Variants in BCAS3 observed in about 807,000 individuals in gnomAD.
BCAS3 encodes the protein BCAS3 microtubule associated cell migration factor, also known as BCAS4/BCAS3 fusion.
Under a neutral mutation model 116.1 loss-of-function variants are expected in BCAS3, and 53 were observed. The observed-to-expected ratio is 0.46, with a 90% CI of 0.37 to 0.57. The LOEUF (loss-of-function observed/expected upper bound fraction) is 0.57, where lower values mean the gene tolerates loss of function less well. BCAS3 is among the 20% of genes least tolerant of loss of function. The pLI is 0.00. For synonymous variants in BCAS3, 391 were observed against 408.2 expected (o/e 0.96, Z 0.51); for missense variants, 917 against 1,165.4 (o/e 0.79, Z 3.10).
chr17:60,895,381 T>C (rs917557633), intron 10 of BCAS3, among the ~76,000 whole-genome samples: 18 of 152,204 alleles, frequency 1.2e-4, no homozygotes, highest in African/African-American at 3.9e-4. Context: ...ATCTATTGTA[T>C]TTCTGTGGTA....
chr17:61,266,319 A>G (rs2049707630), intron 22 of BCAS3, among the ~76,000 whole-genome samples: 1 of 152,210 alleles, frequency 6.6e-6, no homozygotes, highest in African/African-American at 2.4e-5. Context: ...AGAAAGAGAC[A>G]CACACCATCC....
intron 22 of BCAS3, among the ~76,000 whole-genome samples, chr17:61,109,042 TG>T (rs1462377104): frequency 6.6e-6 from 1 of 151,840 alleles, no homozygotes; most frequent in Non-Finnish European, 1.5e-5. Context: ...AAAAATGAGC[TG>T]GGCGTGGTAG....
chr17:61,312,065 G>A (rs2054356599), intron 22 of BCAS3, among the ~76,000 whole-genome samples: 1 of 152,170 alleles, frequency 6.6e-6, no homozygotes, highest in Admixed American at 6.5e-5. Context: ...CAAAACAGGA[G>A]GGGAGAATCG....
At chr17:60,780,236 C>T (rs1285445778) in intron 6 of BCAS3, among the ~76,000 whole-genome samples, 1 of 151,708 alleles carries the variant, frequency 6.6e-6, no homozygotes, top group African/African-American at 2.4e-5. Context: ...GATCTGCCCA[C>T]CTCGGCCTGC....
chr17:61,047,116 G>T (rs1433795771), intron 19 of BCAS3, among the ~76,000 whole-genome samples: 1 of 151,904 alleles, frequency 6.6e-6, no homozygotes, highest in African/African-American at 2.4e-5. Context: ...TCCAGATCCT[G>T]TATTCTTAAA....
chr17:60,841,216 C>T (rs1452737640), intron 7 of BCAS3, among the ~76,000 whole-genome samples: 1 of 151,932 alleles, frequency 6.6e-6, no homozygotes, highest in Non-Finnish European at 1.5e-5. Flanking sequence ...GGCAGAAGGA[C>T]TGAAACTTTA....
intron 22 of BCAS3, among the ~76,000 whole-genome samples, chr17:61,187,835 TC>T (rs1459268090): frequency 7.0e-4 from 107 of 152,280 alleles, no homozygotes; most frequent in Non-Finnish European, 1.9e-4. Flanking sequence ...TTTCTTTCTT[TC>T]TTTCTTTCGT....
rs1055219348 is a variant in BCAS3 at position 61,247,946 on chromosome 17, T to G, written c.2426-120381T>G. Among the ~76,000 whole-genome samples, 92 of 152,338 alleles carry G rather than the reference T, an allele frequency of 6.0e-4. 1 individual carries two copies. Among genetic ancestry groups the G allele is most frequent in the Non-Finnish European group, 2.4e-4 (16 of 68,034 alleles). ...TTAGAAGAGCAGCCGCACTTGTGGT[T>G]ACAACTTGCGGCATTGAAAGGCTGT... is the stretch of plus-strand genomic sequence containing the variant. On this transcript the variant is annotated intron_variant, in intron 22 of 23. Coordinates refer to ENST00000407086, the MANE Select transcript of BCAS3 (RefSeq NM_017679.5).
Position 61,095,766 on chromosome 17 carries a change from T to C in BCAS3, c.2425+11202T>C, listed in dbSNP as rs573780387. Among the ~76,000 whole-genome samples the C allele has an allele frequency of 3.9e-5, 6 of 152,078 alleles. No individual in the cohort carries two copies. The highest frequency in any genetic ancestry group is 1.9e-4 in the East Asian group (1 of 5,170). On this transcript the variant is annotated intron_variant, in intron 22 of 23. Coordinates refer to ENST00000407086, the MANE Select transcript of BCAS3 (RefSeq NM_017679.5). The surrounding 1 kb of genome is among the most constrained non-coding windows in gnomAD (Gnocchi z 4.7). Reference sequence around the variant, plus strand: ...ACAGGTATTAGCCACCGCACCTGACTGGGGTCCTGAGTTTTTTTAAGCACA... The same window carrying C: ...ACAGGTATTAGCCACCGCACCTGACCGGGGTCCTGAGTTTTTTTAAGCACA...
At chr17:61,369,861 G>A (rs180746092) in intron 23 of BCAS3, among the ~76,000 whole-genome samples, 134 of 152,340 alleles carry the variant, frequency 8.8e-4, no homozygotes, top group African/African-American at 2.9e-3. Flanking sequence ...TGTGGCTTAC[G>A]GCACAGGCTT....
rs770583338 is a variant in BCAS3, at chr17:61,215,451, G to A, written c.2425+130887G>A. ...TGATTCCTGTCCTCCCTCTAGATTT[G>A]TAGTAATTCTATGATATATTACTTG... On this transcript the variant is annotated intron_variant, in intron 22 of 23. Transcript: ENST00000407086. The surrounding 1 kb of genome is among the most constrained non-coding windows in gnomAD (Gnocchi z 4.8). Among the ~76,000 whole-genome samples the A allele has an allele frequency of 1.3e-5, 2 of 152,052 alleles. No individual in the cohort carries two copies. The highest frequency in any genetic ancestry group is 2.9e-5 in the Non-Finnish European group (2 of 68,022).
chr17:61,091,709 A>C (rs2073584373), intron 22 of BCAS3, among the ~76,000 whole-genome samples: 1 of 152,188 alleles, frequency 6.6e-6, no homozygotes, highest in Non-Finnish European at 1.5e-5. Flanking sequence ...TAAAGTAAAT[A>C]ATCAAAATGA....
intron 5 of BCAS3, among the ~76,000 whole-genome samples, chr17:60,740,359 A>T (rs1598399096): frequency 6.6e-6 from 1 of 151,792 alleles, no homozygotes; most frequent in African/African-American, 2.4e-5. Context: ...TCAGCTGGGC[A>T]TGGTGGTGGG....
intron 14 of BCAS3, among the ~76,000 whole-genome samples, chr17:60,973,970 A>G (rs1470578073): frequency 4.6e-5 from 7 of 152,104 alleles, no homozygotes; most frequent in Admixed American, 3.3e-4. Context: ...TTATTTTCTA[A>G]CTTGGTATTG....
rs996719966 is a variant in BCAS3, at chr17:61,012,873, G to A, written c.1487-2878G>A. 5.3e-5 allele frequency among the ~76,000 whole-genome samples: 8 copies of A among 151,946 alleles called. No homozygotes were observed. The highest frequency in any genetic ancestry group is 1.7e-4 in the African/African-American group (7 of 41,384). On this transcript the variant is annotated intron_variant, in intron 15 of 23. Transcript: ENST00000407086. The surrounding 1 kb of genome is among the most constrained non-coding windows in gnomAD (Gnocchi z 4.5). ...ACTCCTTTTATCTGTCAAATTCAAT[G>A]ACTTCAACATCTATACTGTTCCCTC... is the stretch of plus-strand genomic sequence containing the variant.
In BCAS3 at chr17:61,196,475, T is replaced by C. The variant is rs569023844; in HGVS notation, c.2425+111911T>C. ...GCAAAGGATATGGCAATCATTTATA[T>C]AAATATGCTTTCTCAAGCCCACAAA... is the stretch of plus-strand genomic sequence containing the variant. On this transcript the variant is annotated intron_variant, in intron 22 of 23. Transcript: ENST00000407086. This position sits in a 1 kb window ranked among gnomAD's most constrained non-coding sequence, Gnocchi z 4.7. 1.6e-4 allele frequency among the ~76,000 whole-genome samples: 25 copies of C among 152,312 alleles called. No homozygotes were observed. The highest frequency in any genetic ancestry group is 7.3e-5 in the Non-Finnish European group (5 of 68,036).
intron 14 of BCAS3, among the ~76,000 whole-genome samples, chr17:60,949,998 G>A (rs1205783160): frequency 1.3e-5 from 2 of 152,128 alleles, no homozygotes; most frequent in Non-Finnish European, 2.9e-5. Context: ...AATTCAAGGA[G>A]ACTTTGGAGA....
At chr17:61,170,358 C>T (rs1253808395) in intron 22 of BCAS3, among the ~76,000 whole-genome samples, 2 of 150,544 alleles carry the variant, frequency 1.3e-5, no homozygotes, top group African/African-American at 2.4e-5. Context: ...AGTGGTGCGA[C>T]CTTGGCTCAC....
chr17:60,797,970 G>A (rs2047366632), intron 6 of BCAS3, among the ~76,000 whole-genome samples: 1 of 152,160 alleles, frequency 6.6e-6, no homozygotes, highest in Non-Finnish European at 1.5e-5. Flanking sequence ...TGAGCTGGAA[G>A]GTGGAAGTTT....
Sources: gnomAD v4.1 joint callset for allele counts (sites outside exome capture counted in the v4.1 genomes callset) on GRCh38, gnomAD v4.1.1 for gene constraint, Gnocchi (gnomAD v3.1) non-coding constraint, MANE v1.5 for transcripts, NCBI Gene and HGNC (gene_info 2026-07-23, HGNC 2026-07-21) for gene names.